COPB2: variants seen among roughly 807,000 people sequenced by gnomAD.
COPB2 encodes the protein coatomer subunit beta'.
COPB2 carries 16 observed loss-of-function variants against 120.8 expected under a neutral mutation model. The observed-to-expected ratio is 0.13, with a 90% CI of 0.09 to 0.20. COPB2 has a LOEUF of 0.20. COPB2 is among the 10% of genes least tolerant of loss of function. The pLI, the probability that COPB2 is intolerant of heterozygous loss-of-function variation, is 1.00. For synonymous variants in COPB2, 332 were observed against 366.3 expected (o/e 0.91, Z 1.07); for missense variants, 794 against 1,076.5 (o/e 0.74, Z 3.67).
At chr3:139,374,297 A>G in intron 7 of COPB2, 192 bp downstream of exon 7, 2 of 521,902 alleles carry the variant, frequency 3.8e-6, no homozygotes, top group South Asian at 2.4e-5. Context: ...GAGAATGATG[A>G]CGATGATGAT....
In COPB2 at chr3:139,366,779, T is replaced by C; in HGVS notation, c.1677-4A>G. 6.2e-7 allele frequency: 1 copy of C among 1,610,186 alleles called. No homozygotes were observed. On this transcript the variant is annotated splice_polypyrimidine_tract_variant and splice_region_variant and intron_variant, in intron 14 of 21. Coordinates refer to ENST00000333188, the MANE Select transcript of COPB2 (RefSeq NM_004766.3). The stretch of plus-strand genomic sequence containing the variant: ...GTAGCCTAGGAGATACATCGTCCTA[T>C]AAAAGAAACAGAAACCAAGTTAGAA...
rs143708326 is a variant in COPB2, at chr3:139,357,871, C to T, written c.2713G>A (p.Asp905Asn). The T allele has an allele frequency of 3.9e-4, 605 of 1,560,346 alleles. 1 individual carries two copies. The highest frequency in any genetic ancestry group is 5.0e-4 in the Non-Finnish European group (572 of 1,136,838). ...TDINLDEDIL[D>N]D The stretch of plus-strand genomic sequence containing the variant: ...AATGGAAAGCATTACAGTCAATCAT[C>T]CAAAATATCTTCATCCAGATTGATA... The change falls in exon 22 of 22, where the codon GAT becomes AAT. Residue 905 changes from aspartate (D) to asparagine (N), a missense_variant. Transcript: ENST00000333188.
In COPB2 at chr3:139,357,584, A is replaced by G. The variant is rs907816293; in HGVS notation, c.*279T>C. 7.4e-6 allele frequency: 2 copies of G among 269,424 alleles called. No individual in the cohort carries two copies. Among genetic ancestry groups the G allele is most frequent in the African/African-American group, 4.4e-5 (2 of 45,628 alleles). 16.7% of individuals were successfully genotyped at this position (269,424 alleles called of 1,614,324 possible). On this transcript the variant is annotated 3_prime_UTR_variant, in exon 22 of 22. Coordinates refer to ENST00000333188, the MANE Select transcript of COPB2 (RefSeq NM_004766.3). ...TTCATTATTGAGAAAGGAAACAAGT[A>G]CCTTCATTAATTCAAAAGGTTTTAT...
In COPB2 at chr3:139,372,674, G is replaced by A. The variant is rs115704102; in HGVS notation, c.1094+539C>T. 1.1e-3 allele frequency among the ~76,000 whole-genome samples: 160 copies of A among 152,260 alleles called. 2 individuals are homozygous for A. Among genetic ancestry groups the A allele is most frequent in the African/African-American group, 3.7e-3 (152 of 41,544 alleles). ...GTAAAATAATTTTAAAGCTCCACAG[G>A]TTTAGACTTCACTGTGCTAGAAACT... On this transcript the variant is annotated intron_variant, in intron 9 of 21. Coordinates refer to ENST00000333188, the MANE Select transcript of COPB2 (RefSeq NM_004766.3).
At chr3:139,373,144 T>C (rs1941650940) in intron 9 of COPB2, 69 bp downstream of exon 9, 5 of 1,470,546 alleles carry the variant, frequency 3.4e-6, no homozygotes, top group Non-Finnish European at 4.8e-6. Flanking sequence ...AGGGCAAGAG[T>C]GGACTGTGGA....
At chr3:139,361,368 A>T in intron 16 of COPB2, 73 bp from the exon 17 acceptor site, 5 of 1,414,976 alleles carry the variant, frequency 3.5e-6, no homozygotes, top group Non-Finnish European at 4.9e-6. Context: ...TATTCTGTTA[A>T]CTGTGCAGAC....
intron 9 of COPB2, among the ~76,000 whole-genome samples, chr3:139,372,427 C>T (rs765033196): frequency 1.3e-5 from 2 of 152,174 alleles, no homozygotes; most frequent in Admixed American, 6.5e-5. Context: ...TTGTTTATAA[C>T]ACTGTAAAGG....
Position 139,379,183 on chromosome 3 carries a change from G to A in COPB2, c.229-10C>T. The A allele has an allele frequency of 1.9e-6, 3 of 1,582,194 alleles. No homozygotes were observed. The highest frequency in any genetic ancestry group is 1.7e-6 in the Non-Finnish European group (2 of 1,168,510). On this transcript the variant is annotated splice_polypyrimidine_tract_variant and intron_variant, in intron 3 of 21. Coordinates refer to ENST00000333188, the MANE Select transcript of COPB2 (RefSeq NM_004766.3). ...TAATCTGCATGTCATCCTAGAAACA[G>A]AAATTTTAAAACCATCATCCCTGTT...
rs777185711 is a variant in COPB2, at chr3:139,357,977, G to A, written c.2626-19C>T. 1.4e-6 allele frequency: 2 copies of A among 1,455,106 alleles called. No homozygotes were observed. Among genetic ancestry groups the A allele is most frequent in the South Asian group, 1.2e-5 (1 of 83,010 alleles). The allele number at this position is 1,455,106 out of a possible 1,614,324, so 90.1% of individuals were successfully genotyped here. ...GTAAACTCTGCAGACAAAAGGAAGA[G>A]GGTAATTAAGTTTTACAGTACTGTT... is the stretch of plus-strand genomic sequence containing the variant. On this transcript the variant is annotated intron_variant, in intron 21 of 21. Transcript: ENST00000333188.
chr3:139,387,506 C>T (rs1369578685), intron 1 of COPB2, among the ~76,000 whole-genome samples: 1 of 152,122 alleles, frequency 6.6e-6, no homozygotes, highest in Admixed American at 6.5e-5. Flanking sequence ...TTCTAGTTAC[C>T]CTAGCCTGAA....
At chr3:139,360,875 T>C (rs1351110048) in intron 17 of COPB2, among the ~76,000 whole-genome samples, 1 of 152,202 alleles carries the variant, frequency 6.6e-6, no homozygotes, top group Non-Finnish European at 1.5e-5. Context: ...GAACAGCTCA[T>C]TTAGCTCAAA....
chr3:139,383,479 AAT>A (rs1288821399), intron 1 of COPB2, 44 bp from the exon 2 acceptor site: 8 of 1,472,204 alleles, frequency 5.4e-6, no homozygotes, highest in East Asian at 2.4e-5. Flanking sequence ...AGCCAAATAA[AAT>A]ATGTTTGAGA....
At position 139,369,449 on chromosome 3, in the gene COPB2, C is replaced by A. The variant is rs1673395511; in HGVS notation, c.1294+7G>T. ...TTAAAAATGTATCATATGTAGATCA[C>A]ACTCACTTTCTGCTCCAAAATCTGG... On this transcript the variant is annotated splice_region_variant and intron_variant, in intron 11 of 21. Coordinates refer to ENST00000333188, the MANE Select transcript of COPB2 (RefSeq NM_004766.3). 6.2e-7 allele frequency: 1 copy of A among 1,607,654 alleles called. No homozygotes were observed. The highest frequency in any genetic ancestry group is 1.3e-5 in the African/African-American group (1 of 74,762).
At chr3:139,366,055 T>C (rs1941509165) in intron 15 of COPB2, among the ~76,000 whole-genome samples, 1 of 152,178 alleles carries the variant, frequency 6.6e-6, no homozygotes, top group South Asian at 2.1e-4. Context: ...TCAAGTTATT[T>C]AGAGATATGG....
At chr3:139,361,710 G>A (rs1941423017) in intron 16 of COPB2, among the ~76,000 whole-genome samples, 1 of 152,156 alleles carries the variant, frequency 6.6e-6, no homozygotes, top group South Asian at 2.1e-4. Flanking sequence ...TAGCTTTTCA[G>A]AACTCAAAAT....
At chr3:139,389,344 C>G (rs376905472) in intron 1 of COPB2, 4 of 763,142 alleles carry the variant, frequency 5.2e-6, no homozygotes, top group Admixed American at 4.3e-5. Context: ...CACTAGCAGG[C>G]TTTGCCTCCC....
chr3:139,372,085 C>T (rs1182034219), intron 9 of COPB2, among the ~76,000 whole-genome samples: 1 of 152,114 alleles, frequency 6.6e-6, no homozygotes, highest in Non-Finnish European at 1.5e-5. Context: ...ATGGTCTTCT[C>T]ATAAATAAAG....
intron 15 of COPB2, among the ~76,000 whole-genome samples, chr3:139,365,317 G>T (rs1576371179): frequency 6.6e-6 from 1 of 152,158 alleles, no homozygotes; most frequent in East Asian, 1.9e-4. Context: ...AATAAAAATG[G>T]CTTTAGACTT....
At chr3:139,359,538 AGGG>A in intron 17 of COPB2, among the ~76,000 whole-genome samples, 176 bp from the exon 18 acceptor site, 1 of 152,314 alleles carries the variant, frequency 6.6e-6, no homozygotes, top group Non-Finnish European at 1.5e-5. Flanking sequence ...CAAGGGTATG[AGGG>A]ATAAGACAGC....
Sources: gnomAD v4.1 joint callset for allele counts (sites outside exome capture counted in the v4.1 genomes callset) on GRCh38, gnomAD v4.1.1 for gene constraint, MANE v1.5 for transcripts, NCBI Gene and HGNC (gene_info 2026-07-23, HGNC 2026-07-21) for gene names.